TPCN1: variants seen among roughly 807,000 people sequenced by gnomAD.
TPCN1 encodes two pore channel protein 1.
Under a neutral mutation model 108.8 loss-of-function variants are expected in TPCN1, and 52 were observed. The observed-to-expected ratio is 0.48, with a 90% CI of 0.38 to 0.60. The LOEUF (loss-of-function observed/expected upper bound fraction) is 0.60. TPCN1 is among the 20% of genes least tolerant of loss of function. The probability of loss-of-function intolerance (pLI) is 0.00; values close to 1 mark genes in which losing one functional copy is unlikely to be tolerated. For synonymous variants in TPCN1, 446 were observed against 433.7 expected, an observed-to-expected ratio of 1.03 and a Z score of -0.35; for missense variants, 806 against 1,072.8, an observed-to-expected ratio of 0.75 and a Z score of 3.47.
In TPCN1 at chr12:113,263,877, C is replaced by A. The variant is rs151160888; in HGVS notation, c.238-2303C>A. Among the ~76,000 whole-genome samples the A allele has an allele frequency of 4.7e-3, 715 of 152,194 alleles. 2 individuals are homozygous for A. The highest frequency in any genetic ancestry group is 0.016 in the African/African-American group (676 of 41,476). The stretch of plus-strand genomic sequence containing the variant: ...TTTATGATCAGCCAGGAAACAGGGC[C>A]GATATTCTCTGGGGTTTTCATCAGA... On this transcript the variant is annotated intron_variant, in intron 3 of 27. Coordinates refer to ENST00000335509, the MANE Select transcript of TPCN1 (RefSeq NM_017901.6).
intron 12 of TPCN1, 93 bp downstream of exon 12, chr12:113,277,457 G>T: frequency 6.7e-7 from 1 of 1,491,120 alleles, no homozygotes; most frequent in Non-Finnish European, 9.2e-7. Context: ...GAGGTGGGCA[G>T]GCCTATAGGC....
chr12:113,277,052 A>C lies in TPCN1; in HGVS notation c.1059+17A>C. ...AGCCAGAGGGTAGGAACTATGGGCC[A>C]GGGAGGGGCTTGGTCCCTGTCCTCC... On this transcript the variant is annotated intron_variant, in intron 11 of 27. Transcript: ENST00000335509. The C allele has an allele frequency of 6.2e-7, 1 of 1,609,614 alleles. No individual in the cohort carries two copies. The highest frequency in any genetic ancestry group is 8.5e-7 in the Non-Finnish European group (1 of 1,176,506).
chr12:113,221,478 G>A lies in TPCN1; in HGVS notation c.-274G>A, dbSNP rs555738784. The A allele has an allele frequency of 5.7e-4, 179 of 315,054 alleles. 1 individual carries two copies. Among genetic ancestry groups the A allele is most frequent in the African/African-American group, 3.5e-3 (162 of 46,084 alleles). The allele number at this position is 315,054 out of a possible 1,614,324, so 19.5% of individuals were successfully genotyped here. ...GGTGGATAGGAGAGCTGGCGCAGCT[G>A]CCCTGGTGGCAGTGGCTGAAGTGGC... On this transcript the variant is annotated 5_prime_UTR_variant, in exon 1 of 28. Coordinates refer to ENST00000335509, the MANE Select transcript of TPCN1 (RefSeq NM_017901.6).
intron 15 of TPCN1, among the ~76,000 whole-genome samples, chr12:113,280,751 C>G (rs1307620548): frequency 6.6e-6 from 1 of 152,170 alleles, no homozygotes; most frequent in African/African-American, 2.4e-5. Flanking sequence ...TGTATTGTCA[C>G]AGAAAATTCC....
At chr12:113,292,848 C>G in intron 25 of TPCN1, 86 bp from the exon 26 acceptor site, 1 of 1,477,730 alleles carries the variant, frequency 6.8e-7, no homozygotes, top group South Asian at 1.3e-5. Context: ...AGACCCCCTG[C>G]GGAAGGGGGC....
At chr12:113,226,588 A>G (rs981961923) in intron 1 of TPCN1, 140 bp from the exon 2 acceptor site, 7 of 753,676 alleles carry the variant, frequency 9.3e-6, no homozygotes, top group Non-Finnish European at 1.5e-5. Context: ...GCCCTAGTTC[A>G]CCATTTTAAA....
Position 113,297,474 on chromosome 12 carries a change from C to T in TPCN1, c.*1398C>T, listed in dbSNP as rs1221366314. On this transcript the variant is annotated 3_prime_UTR_variant, in exon 28 of 28. Transcript: ENST00000335509. The surrounding 1 kb of genome is among the most constrained non-coding windows in gnomAD (Gnocchi z 4.4). ...AGCCTCCCTCTGGCCTTGTCCTCTT[C>T]CCAGCCACAGAACGGGCAGGGTGGC... is the stretch of plus-strand genomic sequence containing the variant. 6.5e-6 allele frequency: 1 copy of T among 152,772 alleles called. No homozygotes were observed. Among genetic ancestry groups the T allele is most frequent in the Non-Finnish European group, 1.5e-5 (1 of 68,122 alleles). The allele number at this position is 152,772 out of a possible 1,614,324, so 9.5% of individuals were successfully genotyped here. A position where few individuals can be genotyped will look rare whatever the true frequency, so the allele number is the denominator to read the frequency against.
chr12:113,227,153 G>A (rs1297620657), intron 2 of TPCN1, among the ~76,000 whole-genome samples, 189 bp downstream of exon 2: 1 of 152,182 alleles, frequency 6.6e-6, no homozygotes, highest in Non-Finnish European at 1.5e-5. Flanking sequence ...CCCCAGCTTG[G>A]CAGTGTTTCT....
At chr12:113,248,243 C>T (rs553543357) in intron 2 of TPCN1, among the ~76,000 whole-genome samples, 4 of 152,358 alleles carry the variant, frequency 2.6e-5, no homozygotes, top group South Asian at 2.1e-4. Flanking sequence ...AAGTGCCCCA[C>T]GGGGGTGTGT....
Position 113,231,696 on chromosome 12 carries a change from G to A in TPCN1, c.112+4732G>A, listed in dbSNP as rs769644412. On this transcript the variant is annotated intron_variant, in intron 2 of 27. Coordinates refer to ENST00000335509, the MANE Select transcript of TPCN1 (RefSeq NM_017901.6). This position sits in a 1 kb window ranked among gnomAD's most constrained non-coding sequence, Gnocchi z 4.3. Reference sequence around the variant, plus strand: ...GGTTTTTCTCCTTATATGGGCAATTGTGGATTTAATCCAAGACTCAGACAT... The same window carrying A: ...GGTTTTTCTCCTTATATGGGCAATTATGGATTTAATCCAAGACTCAGACAT... Among the ~76,000 whole-genome samples, 8 of 152,184 alleles carry A rather than the reference G, an allele frequency of 5.3e-5. No individual in the cohort carries two copies. The highest frequency in any genetic ancestry group is 1.0e-4 in the Non-Finnish European group (7 of 68,028).
At chr12:113,264,023 G>A (rs117034294) in intron 3 of TPCN1, among the ~76,000 whole-genome samples, 1,749 of 152,220 alleles carry the variant, frequency 0.011, 11 homozygotes, top group Non-Finnish European at 0.02. Flanking sequence ...TTCTTCTAGC[G>A]AGACCTTCAT....
At chr12:113,262,481 A>C (rs560349805) in intron 3 of TPCN1, among the ~76,000 whole-genome samples, 1 of 152,182 alleles carries the variant, frequency 6.6e-6, no homozygotes, top group South Asian at 2.1e-4. Context: ...TCTGTTTCTC[A>C]TATGTTCATG....
chr12:113,225,338 T>C, intron 1 of TPCN1: 1 of 418,840 alleles, frequency 2.4e-6, no homozygotes, highest in Non-Finnish European at 4.8e-6. Context: ...AGATTACAGG[T>C]GGGAGCCACT....
rs1379559791 is a variant in TPCN1 at position 113,245,610 on chromosome 12, A to AGAAAG, written c.113-14758_113-14757insGAAAG. On this transcript the variant is annotated intron_variant, in intron 2 of 27. Coordinates refer to ENST00000335509, the MANE Select transcript of TPCN1 (RefSeq NM_017901.6). ...AGCAAGACTCCGTCTCAAAAAAAAA[A>AGAAAG]AAAAAAAAAAAGAAAAGAAAAGGGG... Among the ~76,000 whole-genome samples the AGAAAG allele has an allele frequency of 1.1e-4, 16 of 151,086 alleles. 1 individual carries two copies. The highest frequency in any genetic ancestry group is 3.4e-4 in the African/African-American group (14 of 41,084).
At chr12:113,223,268 G>A (rs889086182) in intron 1 of TPCN1, among the ~76,000 whole-genome samples, 1 of 152,226 alleles carries the variant, frequency 6.6e-6, no homozygotes, top group African/African-American at 2.4e-5. Flanking sequence ...GGATGCACAA[G>A]GATTTGCTTG....
At chr12:113,244,629 C>T (rs1954277921) in intron 2 of TPCN1, 31 of 985,410 alleles carry the variant, frequency 3.1e-5, no homozygotes, top group Non-Finnish European at 3.6e-5. Context: ...ATTTTCCTCT[C>T]CTCTTTGAGC....
rs527711866 is a variant in TPCN1 at position 113,288,980 on chromosome 12, T to A, written c.1796+133T>A. 6.9e-6 allele frequency: 6 copies of A among 874,824 alleles called. No individual in the cohort carries two copies. The South Asian group carries it at 7.3e-5, about 11-fold the overall frequency. 54.2% of individuals were successfully genotyped at this position (874,824 alleles called of 1,614,324 possible). On this transcript the variant is annotated intron_variant, in intron 21 of 27. Coordinates refer to ENST00000335509, the MANE Select transcript of TPCN1 (RefSeq NM_017901.6). The surrounding 1 kb of genome is among the most constrained non-coding windows in gnomAD (Gnocchi z 4.8). ...GTCTAAGCAACCACCTTGCTTTGCT[T>A]TCAGGGCTTAGTTGAGTGCAGTGAG...
At chr12:113,262,447 A>G (rs1955079630) in intron 3 of TPCN1, among the ~76,000 whole-genome samples, 1 of 151,744 alleles carries the variant, frequency 6.6e-6, no homozygotes, top group East Asian at 1.9e-4. Flanking sequence ...AAATTTAGAC[A>G]TTTGTTTGAT....
intron 2 of TPCN1, among the ~76,000 whole-genome samples, chr12:113,229,731 A>T (rs558731322): frequency 6.6e-6 from 1 of 152,156 alleles, no homozygotes; most frequent in Non-Finnish European, 1.5e-5. Context: ...GCCTCAAGTG[A>T]TCCACCTGCC....
Sources: allele counts gnomAD v4.1 joint callset (sites outside exome capture counted in the v4.1 genomes callset), GRCh38; gene constraint gnomAD v4.1.1; non-coding constraint Gnocchi (gnomAD v3.1); transcripts MANE v1.5; gene names NCBI Gene and HGNC (gene_info 2026-07-23, HGNC 2026-07-21).